ZFPM2: variants seen among roughly 807,000 people sequenced by gnomAD.
ZFPM2 encodes the protein zinc finger protein, FOG family member 2.
In ZFPM2, 20 loss-of-function variants were observed where a neutral mutation model predicts 98.6. The observed-to-expected ratio is 0.20, with a 90% confidence interval of 0.14 to 0.29. The LOEUF (loss-of-function observed/expected upper bound fraction) is 0.29, where lower values mean the gene tolerates loss of function less well. Among genes scored for constraint, ZFPM2 ranks in the 10% least tolerant of loss-of-function variants. The pLI, the probability that ZFPM2 is intolerant of heterozygous loss-of-function variation, is 1.00. For synonymous variants in ZFPM2, 518 were observed against 502.7 expected (o/e 1.03, Z -0.41); for missense variants, 1,310 against 1,388.6 (o/e 0.94, Z 0.90).
intron 3 of ZFPM2, among the ~76,000 whole-genome samples, chr8:105,456,793 C>T (rs1563667924): frequency 6.6e-6 from 1 of 152,102 alleles, no homozygotes; most frequent in Admixed American, 6.6e-5. Flanking sequence ...CTGCCTCAGC[C>T]TCCTGAATGG....
At chr8:105,514,326 TTTTTTTTTTTAA>T (rs1173030512) in intron 3 of ZFPM2, among the ~76,000 whole-genome samples, 24 of 107,922 alleles carry the variant, frequency 2.2e-4, no homozygotes, top group African/African-American at 8.7e-4. Context: ...TTTTTTTTTT[TTTTTTTTTTTAA>T]ATAAGGGAGC....
chr8:105,618,276 T>C (rs71522752), intron 4 of ZFPM2, among the ~76,000 whole-genome samples: 2,868 of 152,284 alleles, frequency 0.019, 33 homozygotes, highest in Non-Finnish European at 0.03. Flanking sequence ...ATGTTTCTTA[T>C]AGATTTGCTA....
At chr8:105,358,230 A>G (rs1171193687) in intron 1 of ZFPM2, among the ~76,000 whole-genome samples, 2 of 151,736 alleles carry the variant, frequency 1.3e-5, no homozygotes, top group East Asian at 1.9e-4. Context: ...TTCAGTAACT[A>G]TGTTACAAAG....
At chr8:105,494,055 C>T (rs1434159958) in intron 3 of ZFPM2, among the ~76,000 whole-genome samples, 2 of 151,322 alleles carry the variant, frequency 1.3e-5, no homozygotes, top group Admixed American at 6.6e-5. Context: ...GCCTAAGATT[C>T]TGCCTTCAGG....
intron 4 of ZFPM2, among the ~76,000 whole-genome samples, chr8:105,568,498 T>A (rs1815285961): frequency 6.6e-6 from 1 of 152,152 alleles, no homozygotes; most frequent in East Asian, 1.9e-4. Flanking sequence ...CATCTCTTTT[T>A]CCTTCTATTC....
chr8:105,598,766 A>G (rs1463976220), intron 4 of ZFPM2, among the ~76,000 whole-genome samples: 1 of 152,124 alleles, frequency 6.6e-6, no homozygotes, highest in Admixed American at 6.6e-5. Context: ...TCCTTTCAAA[A>G]ACTCTTTATG....
intron 1 of ZFPM2, among the ~76,000 whole-genome samples, chr8:105,413,482 T>TTA (rs200856542): frequency 0.14 from 19,971 of 139,716 alleles, 1,428 homozygotes; most frequent in Non-Finnish European, 0.17. Context: ...AATTCAAACA[T>TTA]TATATATATA....
intron 5 of ZFPM2, among the ~76,000 whole-genome samples, chr8:105,724,693 T>C (rs544129205): frequency 1.6e-4 from 24 of 151,906 alleles, no homozygotes; most frequent in Non-Finnish European, 2.9e-4. Context: ...TTTGTTTAAA[T>C]TTCTCTAGAC....
At chr8:105,334,118 C>CTG (rs71305145) in intron 1 of ZFPM2, among the ~76,000 whole-genome samples, 27,028 of 120,274 alleles carry the variant, frequency 0.22, 3,153 homozygotes, top group East Asian at 0.45. Context: ...TAGTAATAAA[C>CTG]TGTGTGTGTG....
chr8:105,738,291 G>A (rs1812130847), intron 5 of ZFPM2, among the ~76,000 whole-genome samples: 1 of 151,992 alleles, frequency 6.6e-6, no homozygotes, highest in Non-Finnish European at 1.5e-5. Context: ...CTGTTCCTGT[G>A]TTAGTTTGCT....
chr8:105,423,796 A>C (rs982255037), intron 2 of ZFPM2, among the ~76,000 whole-genome samples: 1 of 152,206 alleles, frequency 6.6e-6, no homozygotes, highest in Non-Finnish European at 1.5e-5. Context: ...GGGAATGCCT[A>C]TATATGAGCA....
At chr8:105,500,710 CTA>C (rs1487215933) in intron 3 of ZFPM2, among the ~76,000 whole-genome samples, 2 of 151,726 alleles carry the variant, frequency 1.3e-5, no homozygotes, top group Non-Finnish European at 2.9e-5. Context: ...AAACATAAAC[CTA>C]TGTTGTTTTA....
Position 105,803,654 on chromosome 8 carries a change from T to C in ZFPM2, c.*116T>C. On this transcript the variant is annotated 3_prime_UTR_variant, in exon 8 of 8. Coordinates refer to ENST00000407775, the MANE Select transcript of ZFPM2 (RefSeq NM_012082.4). ...TGGGCAATCAGGAGATAATTCATTA[T>C]GGCTGAGTTGAAGACTTAAGGTGTA... The C allele has an allele frequency of 9.7e-7, 1 of 1,032,456 alleles. No homozygotes were observed. The highest frequency in any genetic ancestry group is 1.4e-6 in the Non-Finnish European group (1 of 701,116). 64.0% of individuals were successfully genotyped at this position (1,032,456 alleles called of 1,614,324 possible).
At chr8:105,709,947 A>G (rs1811342034) in intron 5 of ZFPM2, among the ~76,000 whole-genome samples, 1 of 152,154 alleles carries the variant, frequency 6.6e-6, no homozygotes, top group Admixed American at 6.5e-5. Context: ...TAGCCTTTCA[A>G]TCTGTTCCAG....
rs377639832 is a variant in ZFPM2, at chr8:105,800,989, G to T, written c.965-58G>T. On this transcript the variant is annotated intron_variant, in intron 7 of 7. Coordinates refer to ENST00000407775, the MANE Select transcript of ZFPM2 (RefSeq NM_012082.4). Reference sequence around the variant, plus strand: ...CATTAGGTCATTAGAAAAGGTCCCTGTCATTCAAAAACCAACACACATGTT... The same window carrying T: ...CATTAGGTCATTAGAAAAGGTCCCTTTCATTCAAAAACCAACACACATGTT... 28 of 1,500,822 alleles carry T rather than the reference G, an allele frequency of 1.9e-5. No individual in the cohort carries two copies. The East Asian group carries it at 4.6e-4, about 24-fold the overall frequency. The allele number at this position is 1,500,822 out of a possible 1,614,324, so 93.0% of individuals were successfully genotyped here.
chr8:105,708,297 A>C (rs1165262067), intron 5 of ZFPM2, among the ~76,000 whole-genome samples: 1 of 152,204 alleles, frequency 6.6e-6, no homozygotes, highest in Non-Finnish European at 1.5e-5. Context: ...TAGTAATTTT[A>C]GGATTTTGTA....
At chr8:105,587,355 A>G (rs563549584) in intron 4 of ZFPM2, among the ~76,000 whole-genome samples, 5 of 151,248 alleles carry the variant, frequency 3.3e-5, no homozygotes, top group African/African-American at 1.2e-4. Context: ...AAAAGTGAAG[A>G]TGATGTGTCT....
At chr8:105,787,430 TG>T (rs1293654952) in intron 5 of ZFPM2, 4 of 152,346 alleles carry the variant, frequency 2.6e-5, no homozygotes, top group South Asian at 4.1e-4. Context: ...CTCTCACAGA[TG>T]GTGTTTTGTT....
intron 5 of ZFPM2, among the ~76,000 whole-genome samples, chr8:105,708,520 C>A: frequency 6.6e-6 from 1 of 152,180 alleles, no homozygotes; most frequent in African/African-American, 2.4e-5. Flanking sequence ...CCCTCAAGCT[C>A]CTGGACTCAG....
Sources: gnomAD v4.1 joint callset for allele counts (sites outside exome capture counted in the v4.1 genomes callset) on GRCh38, gnomAD v4.1.1 for gene constraint, MANE v1.5 for transcripts, NCBI Gene and HGNC (gene_info 2026-07-23, HGNC 2026-07-21) for gene names.